Variants in NOS1AP observed in about 807,000 individuals in gnomAD.
NOS1AP encodes the protein nitric oxide synthase 1 adaptor protein.
Under a neutral mutation model 56.2 loss-of-function variants are expected in NOS1AP, and 21 were observed. The ratio of observed to expected loss-of-function variants is 0.37; its 90% CI spans 0.26 to 0.54. The LOEUF is 0.54. NOS1AP is among the 20% of genes least tolerant of loss of function. The pLI, the probability that NOS1AP is intolerant of heterozygous loss-of-function variation, is 0.84. For missense variants in NOS1AP, 522 were observed against 657.8 expected, an observed-to-expected ratio of 0.79 and a Z score of 2.26; for synonymous variants, 270 against 274.6, an observed-to-expected ratio of 0.98 and a Z score of 0.17.
intron 2 of NOS1AP, among the ~76,000 whole-genome samples, chr1:162,214,831 A>G (rs1056509772): frequency 6.6e-6 from 1 of 152,142 alleles, no homozygotes; most frequent in African/African-American, 2.4e-5. Flanking sequence ...TTCTGTCTGT[A>G]CGCTAACATT....
rs1656531314 is a variant in NOS1AP at position 162,324,825 on chromosome 1, T to C, written c.345-8192T>C. On this transcript the variant is annotated intron_variant, in intron 4 of 9. Transcript: ENST00000361897. ...TATATTTGCATTTCTCTGCCTGCAG[T>C]TGAAGTGATGAGCTTGACTGTCTCT... Among the ~76,000 whole-genome samples the C allele has an allele frequency of 2.0e-5, 3 of 152,216 alleles. No individual in the cohort carries two copies. In the South Asian group the frequency reaches 6.2e-4, roughly 32 times the overall value.
At position 162,124,748 on chromosome 1, in the gene NOS1AP, C is replaced by A. The variant is rs550090425; in HGVS notation, c.106-29657C>A. ...ATGTTGGGCAGCCTGGTCTCGAACT[C>A]CTGACCTCAGGTGATCTGCCCGCCT... On this transcript the variant is annotated intron_variant, in intron 1 of 9. Coordinates refer to ENST00000361897, the MANE Select transcript of NOS1AP (RefSeq NM_014697.3). Among the ~76,000 whole-genome samples, 14 of 152,242 alleles carry A rather than the reference C, an allele frequency of 9.2e-5. No homozygotes were observed. In the East Asian group the frequency reaches 2.5e-3, roughly 27 times the overall value.
At chr1:162,238,938 T>C (rs183638340) in intron 2 of NOS1AP, among the ~76,000 whole-genome samples, 1 of 152,328 alleles carries the variant, frequency 6.6e-6, no homozygotes, top group East Asian at 1.9e-4. Context: ...AGAGTCAATA[T>C]ATTGTGTTAT....
chr1:162,192,405 C>T (rs1024336466), intron 2 of NOS1AP, among the ~76,000 whole-genome samples: 5 of 152,128 alleles, frequency 3.3e-5, no homozygotes, highest in African/African-American at 1.2e-4. Flanking sequence ...TGGTGTGTAG[C>T]TGGTGGGGAG....
At chr1:162,343,811 GTTC>G (rs775074570) in intron 5 of NOS1AP, 21 bp from the exon 6 acceptor site, 11 of 1,614,070 alleles carry the variant, frequency 6.8e-6, no homozygotes, top group African/African-American at 2.7e-5. Context: ...CACCCATCCT[GTTC>G]TTCTCCTTTC....
At chr1:162,132,904 T>G (rs1281693102) in intron 1 of NOS1AP, among the ~76,000 whole-genome samples, 2 of 152,244 alleles carry the variant, frequency 1.3e-5, no homozygotes, top group African/African-American at 4.8e-5. Context: ...TGCCTGCATG[T>G]GCCCCAATTT....
At chr1:162,090,334 C>T (rs1380244548) in intron 1 of NOS1AP, among the ~76,000 whole-genome samples, 1 of 147,930 alleles carries the variant, frequency 6.8e-6, no homozygotes, top group Non-Finnish European at 1.5e-5. Context: ...AATTTGTATA[C>T]AGTTAAAATT....
chr1:162,251,032 A>G (rs960466733), intron 2 of NOS1AP, among the ~76,000 whole-genome samples: 1 of 151,870 alleles, frequency 6.6e-6, no homozygotes, highest in African/African-American at 2.4e-5. Flanking sequence ...AGGAGACTTT[A>G]GGTATTACCT....
intron 6 of NOS1AP, among the ~76,000 whole-genome samples, chr1:162,347,659 C>T (rs900302823): frequency 6.6e-6 from 1 of 152,192 alleles, no homozygotes; most frequent in African/African-American, 2.4e-5. Flanking sequence ...CTTCTGGCCC[C>T]TGCAGTGGTC....
At chr1:162,354,788 A>C (rs960674737) in intron 6 of NOS1AP, among the ~76,000 whole-genome samples, 2 of 152,220 alleles carry the variant, frequency 1.3e-5, no homozygotes, top group Admixed American at 6.5e-5. Flanking sequence ...CTTGTCCAGC[A>C]GTTTATTGGA....
At chr1:162,353,014 A>C in intron 6 of NOS1AP, among the ~76,000 whole-genome samples, 1 of 151,620 alleles carries the variant, frequency 6.6e-6, no homozygotes, top group East Asian at 1.9e-4. Flanking sequence ...ATATTTTAAG[A>C]CTCATCCTGC....
intron 1 of NOS1AP, among the ~76,000 whole-genome samples, chr1:162,122,480 AAG>A (rs1453833551): frequency 1.3e-5 from 2 of 151,658 alleles, no homozygotes; most frequent in Non-Finnish European, 2.9e-5. Context: ...AAATATATGA[AAG>A]TAGAGAGAAT....
At chr1:162,328,739 T>TA (rs1377101078) in intron 4 of NOS1AP, among the ~76,000 whole-genome samples, 7 of 152,230 alleles carry the variant, frequency 4.6e-5, no homozygotes, top group Admixed American at 3.9e-4. Flanking sequence ...TTTCCTCCAC[T>TA]GCATTCCTGT....
chr1:162,297,998 AG>A (rs1655526784), intron 3 of NOS1AP, among the ~76,000 whole-genome samples: 1 of 152,220 alleles, frequency 6.6e-6, no homozygotes, highest in African/African-American at 2.4e-5. Context: ...CAGGCATAAA[AG>A]CCCCAACAAA....
At chr1:162,190,424 A>T (rs908392046) in intron 2 of NOS1AP, among the ~76,000 whole-genome samples, 1 of 152,134 alleles carries the variant, frequency 6.6e-6, no homozygotes, top group African/African-American at 2.4e-5. Context: ...TGTGCAGGTT[A>T]GTTACATATG....
At chr1:162,128,301 G>A (rs551086792) in intron 1 of NOS1AP, among the ~76,000 whole-genome samples, 3 of 151,984 alleles carry the variant, frequency 2.0e-5, no homozygotes, top group Admixed American at 1.3e-4. Flanking sequence ...GAAAATACAC[G>A]TTTACCATAC....
intron 2 of NOS1AP, among the ~76,000 whole-genome samples, chr1:162,220,685 A>G (rs1373506865): frequency 6.6e-6 from 1 of 151,978 alleles, no homozygotes; most frequent in Non-Finnish European, 1.5e-5. Context: ...TCCGGCTTTA[A>G]ATTCTCATAC....
chr1:162,196,461 T>C (rs1038960636), intron 2 of NOS1AP, among the ~76,000 whole-genome samples: 1 of 152,206 alleles, frequency 6.6e-6, no homozygotes, highest in Non-Finnish European at 1.5e-5. Flanking sequence ...TTTCAGAAGA[T>C]GTGGTGTGCA....
chr1:162,157,640 G>A (rs960677501), intron 2 of NOS1AP, among the ~76,000 whole-genome samples: 2 of 152,206 alleles, frequency 1.3e-5, no homozygotes, highest in Non-Finnish European at 2.9e-5. Context: ...GTTATGATAA[G>A]GATCACATGT....
Sources: allele counts gnomAD v4.1 joint callset (sites outside exome capture counted in the v4.1 genomes callset), GRCh38; gene constraint gnomAD v4.1.1; transcripts MANE v1.5; gene names NCBI Gene and HGNC (gene_info 2026-07-23, HGNC 2026-07-21).